Variants in PLXDC2 observed in about 807,000 individuals in gnomAD.
The protein encoded by PLXDC2 is plexin domain containing 2.
PLXDC2 carries 40 observed loss-of-function variants against 68.9 expected under a neutral mutation model. That is an observed-to-expected ratio of 0.58 (90% confidence interval 0.45 to 0.76). The LOEUF is 0.76. Ranked by LOEUF, PLXDC2 falls within the 30% of genes least tolerant of loss-of-function variation. The pLI, the probability that PLXDC2 is intolerant of heterozygous loss-of-function variation, is 0.00. For synonymous variants in PLXDC2, 243 were observed against 234.2 expected (o/e 1.04, Z -0.34); for missense variants, 644 against 661.9 (o/e 0.97, Z 0.30).
intron 9 of PLXDC2, among the ~76,000 whole-genome samples, chr10:20,206,575 G>A (rs1834995903): frequency 6.6e-6 from 1 of 151,998 alleles, no homozygotes; most frequent in Non-Finnish European, 1.5e-5. Context: ...GGGTATGAAT[G>A]GGTTGTAGAG....
chr10:20,192,124 C>G (rs1300616351), intron 9 of PLXDC2, among the ~76,000 whole-genome samples: 1 of 151,936 alleles, frequency 6.6e-6, no homozygotes, highest in Non-Finnish European at 1.5e-5. Flanking sequence ...AAACTAGGAA[C>G]TGGTGGAGGC....
At chr10:20,102,803 G>A (rs1404198374) in intron 4 of PLXDC2, among the ~76,000 whole-genome samples, 1 of 152,170 alleles carries the variant, frequency 6.6e-6, no homozygotes, top group Admixed American at 6.5e-5. Context: ...GAGGAAAAAT[G>A]GCGGCTGGAG....
At chr10:20,165,449 C>A (rs1204197461) in intron 7 of PLXDC2, among the ~76,000 whole-genome samples, 2 of 151,754 alleles carry the variant, frequency 1.3e-5, no homozygotes, top group Non-Finnish European at 2.9e-5. Context: ...CCACAACAGT[C>A]CCCAGAGTAT....
intron 2 of PLXDC2, among the ~76,000 whole-genome samples, chr10:20,021,213 TTTTTG>T (rs1835302496): frequency 6.6e-6 from 1 of 152,084 alleles, no homozygotes; most frequent in African/African-American, 2.4e-5. Context: ...TGTTTGTTTG[TTTTTG>T]TTTTGTTTTA....
chr10:20,207,113 A>T (rs2131853319), intron 9 of PLXDC2, among the ~76,000 whole-genome samples: 1 of 152,288 alleles, frequency 6.6e-6, no homozygotes, highest in African/African-American at 2.4e-5. Flanking sequence ...ACTATATGCC[A>T]CAAAAAGTAT....
chr10:19,855,226 T>TTTGTTGTTGTTG (rs57620092), intron 1 of PLXDC2, among the ~76,000 whole-genome samples: 1 of 151,418 alleles, frequency 6.6e-6, no homozygotes, highest in African/African-American at 2.4e-5. Context: ...CAAATACGAT[T>TTTGTTGTTGTTG]TTGTTGTTGT....
In PLXDC2 at chr10:20,145,534, C is replaced by T. The variant is rs117216946; in HGVS notation, c.664+2117C>T. Among the ~76,000 whole-genome samples the T allele has an allele frequency of 8.5e-4, 130 of 152,104 alleles. 2 individuals carry two copies. The East Asian group carries it at 0.025, about 29-fold the overall frequency. On this transcript the variant is annotated intron_variant, in intron 5 of 13. Coordinates refer to ENST00000377252, the MANE Select transcript of PLXDC2 (RefSeq NM_032812.9). ...TACATAATATAAAACTTAACATGTG[C>T]AAACAGTACACTTTTTTTTGTTTTT...
intron 1 of PLXDC2, among the ~76,000 whole-genome samples, chr10:19,962,774 C>T (rs1356615793): frequency 1.3e-5 from 2 of 149,068 alleles, no homozygotes; most frequent in Non-Finnish European, 3.0e-5. Context: ...ATCACGAGGT[C>T]AGGAGATCGA....
At chr10:19,974,707 C>T (rs1215547528) in intron 1 of PLXDC2, among the ~76,000 whole-genome samples, 2 of 152,122 alleles carry the variant, frequency 1.3e-5, no homozygotes, top group African/African-American at 4.8e-5. Flanking sequence ...AGGGCAGGGA[C>T]CGGGTCTGGT....
chr10:20,109,144 ATTTGTC>A (rs1833527333), intron 4 of PLXDC2, among the ~76,000 whole-genome samples: 1 of 152,152 alleles, frequency 6.6e-6, no homozygotes, highest in Admixed American at 6.5e-5. Flanking sequence ...ATATTTATTT[ATTTGTC>A]TTTGTGAAAT....
At chr10:20,203,907 A>C (rs1428711151) in intron 9 of PLXDC2, among the ~76,000 whole-genome samples, 8 of 152,176 alleles carry the variant, frequency 5.3e-5, no homozygotes. Flanking sequence ...TTATAATTTC[A>C]GCTACAAGTA....
At position 20,287,583 on chromosome 10, in the gene PLXDC2, T is replaced by A. The variant is rs1270864908; in HGVS notation, c.*7764T>A. The A allele has an allele frequency of 6.6e-6, 1 of 152,162 alleles. No homozygotes were observed. The highest frequency in any genetic ancestry group is 1.5e-5 in the Non-Finnish European group (1 of 68,042). The allele number at this position is 152,162 out of a possible 1,614,324, so 9.4% of individuals were successfully genotyped here. A position where few individuals can be genotyped will look rare whatever the true frequency, so the allele number is the denominator to read the frequency against. On this transcript the variant is annotated 3_prime_UTR_variant, in exon 14 of 14. Transcript: ENST00000377252. Reference sequence around the variant, plus strand: ...AAATAAAAACTCAAATTAGGCATCCTGCAGCAGGCTACTCTGAAAATAACA... The same window carrying A: ...AAATAAAAACTCAAATTAGGCATCCAGCAGCAGGCTACTCTGAAAATAACA...
At position 20,025,268 on chromosome 10, in the gene PLXDC2, C is replaced by CT. The variant is rs56863692; in HGVS notation, c.325-21587dup. On this transcript the variant is annotated intron_variant, in intron 2 of 13. Coordinates refer to ENST00000377252, the MANE Select transcript of PLXDC2 (RefSeq NM_032812.9). ...TAGCCAGCATCTATTGTTTTTTCGA[C>CT]TTTTTTTTTTTTTTGACAGAGTTTT... Among the ~76,000 whole-genome samples the CT allele has an allele frequency of 1.1e-3, 158 of 145,050 alleles. 1 individual carries two copies. Among genetic ancestry groups the CT allele is most frequent in the South Asian group, 2.9e-3 (13 of 4,534 alleles).
At chr10:20,079,981 G>A (rs1359856408) in intron 4 of PLXDC2, among the ~76,000 whole-genome samples, 10 of 151,858 alleles carry the variant, frequency 6.6e-5, no homozygotes, top group Non-Finnish European at 1.5e-4. Flanking sequence ...CAAAAAAATG[G>A]GAAAGGAAAT....
chr10:20,229,756 A>G (rs753426695), intron 12 of PLXDC2, among the ~76,000 whole-genome samples: 3 of 152,158 alleles, frequency 2.0e-5, no homozygotes, highest in Admixed American at 6.5e-5. Flanking sequence ...TTTTTAATGT[A>G]ACTTGAGTAC....
At chr10:19,828,492 G>A (rs1474812751) in intron 1 of PLXDC2, among the ~76,000 whole-genome samples, 1 of 152,218 alleles carries the variant, frequency 6.6e-6, no homozygotes, top group Admixed American at 6.5e-5. Context: ...CAGGCTTGGT[G>A]ATCTGAGTAT....
chr10:20,143,990 C>T (rs1834040804), intron 5 of PLXDC2, among the ~76,000 whole-genome samples: 1 of 123,040 alleles, frequency 8.1e-6, no homozygotes, highest in South Asian at 2.2e-4. Context: ...CTTTTTGGGA[C>T]ATATAAAATA....
rs1834375716 is a variant in PLXDC2 at position 20,166,476 on chromosome 10, G to T, written c.883+1909G>T. On this transcript the variant is annotated intron_variant, in intron 7 of 13. Coordinates refer to ENST00000377252, the MANE Select transcript of PLXDC2 (RefSeq NM_032812.9). The stretch of plus-strand genomic sequence containing the variant: ...TCCTGACAGAGCTCTTAAATAAGAG[G>T]CTGAGCCCTAGGACAGCTGAAGTTG... Among the ~76,000 whole-genome samples, 3 of 152,112 alleles carry T rather than the reference G, an allele frequency of 2.0e-5. 1 individual carries two copies. In the South Asian group the frequency reaches 6.2e-4, roughly 32 times the overall value.
intron 9 of PLXDC2, among the ~76,000 whole-genome samples, chr10:20,201,467 C>G (rs1834916597): frequency 6.6e-6 from 1 of 151,742 alleles, no homozygotes; most frequent in African/African-American, 2.4e-5. Flanking sequence ...GGAGTAAGTT[C>G]TAATGTTCTA....
Sources: gnomAD v4.1 joint callset for allele counts (sites outside exome capture counted in the v4.1 genomes callset) on GRCh38, gnomAD v4.1.1 for gene constraint, MANE v1.5 for transcripts, NCBI Gene and HGNC (gene_info 2026-07-23, HGNC 2026-07-21) for gene names.